FBXO27: variants seen among roughly 807,000 people sequenced by gnomAD.
FBXO27 encodes F-box protein 27.
A neutral mutation model predicts 28.3 loss-of-function variants in FBXO27; 28 were observed. The observed-to-expected ratio is 0.99, with a 90% CI of 0.73 to 1.36. FBXO27 has a LOEUF of 1.36. Among genes scored for constraint, FBXO27 ranks in the 40% most tolerant of loss-of-function variants. The pLI is 0.00. For missense variants in FBXO27, 388 were observed against 394.1 expected (o/e 0.98, Z 0.13); for synonymous variants, 175 against 167.3 (o/e 1.05, Z -0.36).
chr19:39,025,392 C>A lies in FBXO27; in HGVS notation c.*19G>T. The A allele has an allele frequency of 6.2e-7, 1 of 1,605,258 alleles. No homozygotes were observed. On this transcript the variant is annotated 3_prime_UTR_variant, in exon 6 of 6. Coordinates refer to ENST00000292853, the MANE Select transcript of FBXO27 (RefSeq NM_178820.5). ...TGGAAGGCACAGTCAGGCTGTCTTG[C>A]AAGAAGGGTAGTGCTGGACTAGGAC...
At chr19:39,021,012 G>A (rs1029140992), downstream of FBXO27, among the ~76,000 whole-genome samples, 4 of 151,990 alleles carry the variant, frequency 2.6e-5, no homozygotes, top group African/African-American at 2.4e-5. Context: ...CCGCCACCAC[G>A]CCCAGCTAAT....
chr19:39,025,513 A>T lies in FBXO27; in HGVS notation c.750T>A (p.Phe250Leu). 1 of 1,614,158 alleles carries T rather than the reference A, an allele frequency of 6.2e-7. No individual in the cohort carries two copies. The highest frequency in any genetic ancestry group is 8.5e-7 in the Non-Finnish European group (1 of 1,180,030). The change falls in exon 6 of 6, where the codon TTT becomes TTA. Residue 250 changes from phenylalanine (F) to leucine (L), a missense_variant. By Grantham distance (22) the Phe-to-Leu change is conservative. Coordinates refer to ENST00000292853, the MANE Select transcript of FBXO27 (RefSeq NM_178820.5). Reference protein sequence around the residue: ...VFSNIKMGVRFVSFEHRGQDT... With the variant: ...VFSNIKMGVRLVSFEHRGQDT... ...CCTGGCCCCGGTGTTCGAAAGACACAAAGCGGACGCCCATCTTGATGTTGG... is the reference window on the plus strand; with the variant it reads ...CCTGGCCCCGGTGTTCGAAAGACACTAAGCGGACGCCCATCTTGATGTTGG...
chr19:39,018,502 C>A (rs951603096), intron 1 of FBXO27, among the ~76,000 whole-genome samples: 4 of 151,952 alleles, frequency 2.6e-5, no homozygotes, highest in Non-Finnish European at 5.9e-5. Flanking sequence ...ATATCGTAAA[C>A]CCTGAATAAC....
Position 39,018,258 on chromosome 19 carries a change from A to T in FBXO27, c.92-3711T>A, listed in dbSNP as rs559822681. 1.5e-4 allele frequency among the ~76,000 whole-genome samples: 23 copies of T among 152,336 alleles called. No homozygotes were observed. The South Asian group carries it at 2.1e-3, about 14-fold the overall frequency. ...GCAGTTGAGACAAATGTAAATCAAT[A>T]CAAAGAGGCAGTGTGAAATCATAAT... On this transcript the variant is annotated intron_variant, in intron 1 of 2. Transcript: ENST00000598394.
intron 2 of FBXO27, among the ~76,000 whole-genome samples, chr19:39,007,069 A>AAC (rs1339422141): frequency 1.3e-5 from 2 of 149,928 alleles, no homozygotes; most frequent in African/African-American, 2.5e-5. Context: ...AAAAAAAAAA[A>AAC]AAAAAAAAAT....
Position 39,028,975 on chromosome 19 carries a change from G to A in FBXO27, c.573-1970C>T, listed in dbSNP as rs541181044. On this transcript the variant is annotated intron_variant, in intron 4 of 5. Coordinates refer to ENST00000292853, the MANE Select transcript of FBXO27 (RefSeq NM_178820.5). ...GAGGATTTTTTGAGGCCAGGTGGTA[G>A]AGATTGCAGTGAGCCGAGATCACGC... Among the ~76,000 whole-genome samples the A allele has an allele frequency of 1.3e-4, 19 of 149,590 alleles. No homozygotes were observed. In the South Asian group the frequency reaches 1.9e-3, roughly 15 times the overall value.
At chr19:39,012,249 A>G (rs2072798993) in intron 2 of FBXO27, among the ~76,000 whole-genome samples, 1 of 144,314 alleles carries the variant, frequency 6.9e-6, no homozygotes, top group South Asian at 2.2e-4. Context: ...CAATGGCGTG[A>G]TCTTTGCTTA....
At chr19:39,028,820 GC>G (rs1555758628) in intron 4 of FBXO27, among the ~76,000 whole-genome samples, 6 of 151,696 alleles carry the variant, frequency 4.0e-5, no homozygotes, top group Non-Finnish European at 8.8e-5. Flanking sequence ...CTGAGATTGT[GC>G]CATTGCACTC....
intron 2 of FBXO27, among the ~76,000 whole-genome samples, chr19:39,009,958 T>C (rs4802004): frequency 0.64 from 96,125 of 151,370 alleles, 31,992 homozygotes; most frequent in East Asian, 0.84. Context: ...TATAGGCAGC[T>C]ACCACCACTC....
chr19:39,026,111 T>C (rs1315700974), intron 5 of FBXO27, among the ~76,000 whole-genome samples: 7 of 152,106 alleles, frequency 4.6e-5, no homozygotes, highest in African/African-American at 1.7e-4. Flanking sequence ...GCTCAGTGAC[T>C]TTGGCCAAGT....
At chr19:39,006,037 CTT>C (rs1450087973) in intron 2 of FBXO27, among the ~76,000 whole-genome samples, 1 of 152,164 alleles carries the variant, frequency 6.6e-6, no homozygotes, top group Non-Finnish European at 1.5e-5. Context: ...AGAAAAGTCT[CTT>C]TGGTGATATT....
chr19:39,026,737 G>T, intron 5 of FBXO27, 133 bp downstream of exon 5: 1 of 1,354,780 alleles, frequency 7.4e-7, no homozygotes, highest in Non-Finnish European at 1.0e-6. Flanking sequence ...CTCCCAAAGT[G>T]CTGGGATTAC....
intron 2 of FBXO27, among the ~76,000 whole-genome samples, chr19:39,012,115 G>A (rs1568457220): frequency 6.6e-6 from 1 of 151,452 alleles, no homozygotes; most frequent in East Asian, 1.9e-4. Flanking sequence ...TTACAGGCGT[G>A]AGCCACCACG....
Position 39,024,412 on chromosome 19 carries a change from T to TG in FBXO27, c.*998dup, listed in dbSNP as rs2072860856. 1 of 152,152 alleles carries TG rather than the reference T, an allele frequency of 6.6e-6. No individual in the cohort carries two copies. The highest frequency in any genetic ancestry group is 1.5e-5 in the Non-Finnish European group (1 of 68,120). The allele number at this position is 152,152 out of a possible 1,614,324, so 9.4% of individuals were successfully genotyped here. A position where few individuals can be genotyped will look rare whatever the true frequency, so the allele number is the denominator to read the frequency against. ...CTAACTTTTGTATTTTTTGTAGCGA[T>TG]GGGGGTCTTACTACATTGCCCAGGC... On this transcript the variant is annotated 3_prime_UTR_variant, in exon 6 of 6. Coordinates refer to ENST00000292853, the MANE Select transcript of FBXO27 (RefSeq NM_178820.5).
intron 4 of FBXO27, among the ~76,000 whole-genome samples, chr19:39,028,777 C>T (rs2072886675): frequency 6.6e-6 from 1 of 152,080 alleles, no homozygotes. Context: ...GCAGGAGAAT[C>T]ACTTGAATCC....
At chr19:39,016,632 A>G (rs1215240878) in intron 1 of FBXO27, among the ~76,000 whole-genome samples, 1 of 151,422 alleles carries the variant, frequency 6.6e-6, no homozygotes, top group African/African-American at 2.4e-5. Flanking sequence ...AAAAAACAAA[A>G]ATTAGCTGGG....
At chr19:39,022,003 G>A (rs986135120), downstream of FBXO27, among the ~76,000 whole-genome samples, 7 of 151,984 alleles carry the variant, frequency 4.6e-5, no homozygotes, top group Admixed American at 2.6e-4. Flanking sequence ...CACCCCAACC[G>A]TCACGTTGTT....
Position 39,031,144 on chromosome 19 carries a change from G to C in FBXO27, c.477-20C>G. On this transcript the variant is annotated intron_variant, in intron 3 of 5. Coordinates refer to ENST00000292853, the MANE Select transcript of FBXO27 (RefSeq NM_178820.5). Reference sequence around the variant, plus strand: ...CACCAGCTGGGAATGCAGGAGACAGGGTAATGAGAACAGGCAGGCCTTTCT... The same window carrying C: ...CACCAGCTGGGAATGCAGGAGACAGCGTAATGAGAACAGGCAGGCCTTTCT... The C allele has an allele frequency of 6.2e-7, 1 of 1,613,284 alleles. No individual in the cohort carries two copies. Among genetic ancestry groups the C allele is most frequent in the African/African-American group, 1.3e-5 (1 of 74,988 alleles).
rs1460262900 is a variant in FBXO27, at chr19:39,032,407, G to A, written c.-27+96C>T. Reference sequence around the variant, plus strand: ...CCCCCAGCCCGTCCTTGATAGCCCCGATATCCCGGAGACCCCGCGGTCTGT... The same window carrying A: ...CCCCCAGCCCGTCCTTGATAGCCCCAATATCCCGGAGACCCCGCGGTCTGT... On this transcript the variant is annotated intron_variant, in intron 1 of 5. Transcript: ENST00000292853. This position sits in a 1 kb window ranked among gnomAD's most constrained non-coding sequence, Gnocchi z 4.7. 1.1e-6 allele frequency: 1 copy of A among 880,408 alleles called. No homozygotes were observed. Among genetic ancestry groups the A allele is most frequent in the Non-Finnish European group, 1.6e-6 (1 of 641,288 alleles). 54.5% of individuals were successfully genotyped at this position (880,408 alleles called of 1,614,324 possible). A position where few individuals can be genotyped will look rare whatever the true frequency, so the allele number is the denominator to read the frequency against.
Sources: gnomAD v4.1 joint callset for allele counts (sites outside exome capture counted in the v4.1 genomes callset) on GRCh38, gnomAD v4.1.1 for gene constraint, Gnocchi (gnomAD v3.1) non-coding constraint, MANE v1.5 for transcripts, NCBI Gene and HGNC (gene_info 2026-07-23, HGNC 2026-07-21) for gene names.